The following GDPD4 variants were observed in gnomAD, a reference collection of about 807,000 sequenced individuals.
GDPD4 encodes the protein glycerophosphodiester phosphodiesterase 6.
GDPD4 carries 60 observed loss-of-function variants against 67.8 expected under a neutral mutation model. The ratio of observed to expected loss-of-function variants is 0.88; its 90% CI spans 0.72 to 1.10. GDPD4 has a LOEUF of 1.10. Ranked by LOEUF, GDPD4 falls within the 50% of genes least tolerant of loss-of-function variation. The pLI is 0.00. For synonymous variants in GDPD4, 212 were observed against 210.9 expected (o/e 1.00, Z -0.04); for missense variants, 623 against 613.9 (o/e 1.01, Z -0.16).
chr11:77,245,131 T>C (rs1055468730), intron 12 of GDPD4, 150 bp downstream of exon 12: 1 of 634,676 alleles, frequency 1.6e-6, no homozygotes, highest in Non-Finnish European at 2.8e-6. Context: ...CACATGTAGC[T>C]GTATAAGTAA....
rs1959219154 is a variant in GDPD4 at position 77,271,237 on chromosome 11, A to G, written c.307-14T>C. 1.2e-6 allele frequency: 2 copies of G among 1,611,194 alleles called. No homozygotes were observed. Among genetic ancestry groups the G allele is most frequent in the South Asian group, 2.2e-5 (2 of 90,804 alleles). ...GGGAGCAAAGATCTGTGAGAAAGCCAAAAGTCAGGCTGGATACATCTAGAC... is the reference window on the plus strand; with the variant it reads ...GGGAGCAAAGATCTGTGAGAAAGCCGAAAGTCAGGCTGGATACATCTAGAC... On this transcript the variant is annotated splice_polypyrimidine_tract_variant and intron_variant, in intron 6 of 16. Transcript: ENST00000315938.
chr11:77,289,168 C>T (rs1937673804), intron 1 of GDPD4, among the ~76,000 whole-genome samples: 1 of 152,082 alleles, frequency 6.6e-6, no homozygotes, highest in Admixed American at 6.5e-5. Context: ...TCGAGACCAG[C>T]TTGGCCAACA....
intron 10 of GDPD4, among the ~76,000 whole-genome samples, chr11:77,262,352 C>T (rs566524544): frequency 6.6e-6 from 1 of 152,306 alleles, no homozygotes; most frequent in Admixed American, 6.5e-5. Context: ...AATGATCACA[C>T]TTCAGGACTG....
intron 16 of GDPD4, among the ~76,000 whole-genome samples, chr11:77,221,009 C>T (rs1353482429): frequency 6.6e-6 from 1 of 152,110 alleles, no homozygotes; most frequent in African/African-American, 2.4e-5. Context: ...GGAATTTATC[C>T]ATTTCTTCTA....
At chr11:77,288,548 G>C in intron 1 of GDPD4, among the ~76,000 whole-genome samples, 1 of 152,100 alleles carries the variant, frequency 6.6e-6, no homozygotes, top group South Asian at 2.1e-4. Context: ...CACTGATATT[G>C]ATTACAGCCA....
Position 77,217,090 on chromosome 11 carries a change from C to T in GDPD4, c.*187G>A, listed in dbSNP as rs138023905. On this transcript the variant is annotated 3_prime_UTR_variant, in exon 17 of 17. Transcript: ENST00000315938. Reference sequence around the variant, plus strand: ...TGGGCATCGGTGGTTGAATCTCATGCTTGCCAGGCTTCAAAGGTGTGACAG... The same window carrying T: ...TGGGCATCGGTGGTTGAATCTCATGTTTGCCAGGCTTCAAAGGTGTGACAG... 18 of 707,704 alleles carry T rather than the reference C, an allele frequency of 2.5e-5. No individual in the cohort carries two copies. Among genetic ancestry groups the T allele is most frequent in the Admixed American group, 1.6e-4 (8 of 50,050 alleles). The allele number at this position is 707,704 out of a possible 1,614,324, so 43.8% of individuals were successfully genotyped here.
chr11:77,238,178 T>A (rs1422127854), intron 13 of GDPD4, among the ~76,000 whole-genome samples: 1 of 152,056 alleles, frequency 6.6e-6, no homozygotes, highest in African/African-American at 2.4e-5. Flanking sequence ...GCAAGACTGA[T>A]CAAGAAAAAC....
In GDPD4 at chr11:77,243,828, A is replaced by G. The variant is rs764691124; in HGVS notation, c.1107T>C (p.His369=). The G allele has an allele frequency of 7.4e-6, 12 of 1,613,192 alleles. No individual in the cohort carries two copies. The highest frequency in any genetic ancestry group is 2.2e-5 in the East Asian group (1 of 44,888). Residue 369 remains histidine, a synonymous_variant, in exon 13 of 17, where the codon CAT becomes CAC. Transcript: ENST00000315938. The part of the protein sequence containing the change: ...EQHLIFWLPA[H]DRQYVRSVAP... The stretch of plus-strand genomic sequence containing the variant: ...CCACGGACCTGACGTATTGCCTATC[A>G]TGAGCTGGCAACCAAAAAATCTCTA...
chr11:77,257,027 C>T (rs889665175), intron 11 of GDPD4, among the ~76,000 whole-genome samples: 5 of 152,110 alleles, frequency 3.3e-5, no homozygotes, highest in Non-Finnish European at 5.9e-5. Flanking sequence ...TCAAACGGCC[C>T]TCAGGATTAA....
chr11:77,226,352 G>A (rs1248102145), intron 16 of GDPD4, among the ~76,000 whole-genome samples: 1 of 152,080 alleles, frequency 6.6e-6, no homozygotes, highest in Non-Finnish European at 1.5e-5. Flanking sequence ...AGTAATTAAG[G>A]TTAAATGAAG....
chr11:77,269,060 A>C lies in GDPD4; in HGVS notation c.488T>G (p.Val163Gly). ...AAGAAGAAAGGGTAATCCAACAGGC[A>C]CTTGTAGACCTGAAAAATTTGAAAG... is the stretch of plus-strand genomic sequence containing the variant. ...NVITRLRGLQ[V>G]PVGLPFLLIL... The change falls in exon 9 of 17, where the codon GTG (valine) becomes GGG (glycine). Residue 163 changes from valine (V) to glycine (G), a missense_variant. Transcript: ENST00000315938. The C allele has an allele frequency of 6.2e-7, 1 of 1,613,596 alleles. No individual in the cohort carries two copies. Among genetic ancestry groups the C allele is most frequent in the Non-Finnish European group, 8.5e-7 (1 of 1,179,762 alleles).
At chr11:77,251,695 C>G (rs1425140113) in intron 11 of GDPD4, among the ~76,000 whole-genome samples, 1 of 152,132 alleles carries the variant, frequency 6.6e-6, no homozygotes, top group Admixed American at 6.6e-5. Flanking sequence ...GGGATTGAAT[C>G]TATTTGGGAA....
chr11:77,251,064 G>C (rs1958885767), intron 11 of GDPD4, among the ~76,000 whole-genome samples: 1 of 152,018 alleles, frequency 6.6e-6, no homozygotes, highest in African/African-American at 2.4e-5. Context: ...TTTTTTGTAG[G>C]CAGCATATAG....
intron 16 of GDPD4, among the ~76,000 whole-genome samples, chr11:77,218,129 GA>G (rs1958159981): frequency 6.6e-6 from 1 of 151,636 alleles, no homozygotes; most frequent in Admixed American, 6.6e-5. Flanking sequence ...AGGAGAAAGG[GA>G]ATTTTTATTG....
chr11:77,246,854 C>A (rs777459299), intron 11 of GDPD4, among the ~76,000 whole-genome samples: 3 of 152,116 alleles, frequency 2.0e-5, no homozygotes, highest in Non-Finnish European at 4.4e-5. Flanking sequence ...ATGTTTGCTA[C>A]ATTAAATTTA....
chr11:77,217,402 GT>G, intron 16 of GDPD4, 88 bp from the exon 17 acceptor site: 2 of 1,045,800 alleles, frequency 1.9e-6, no homozygotes, highest in South Asian at 2.5e-5. Flanking sequence ...TCTCTTAAAT[GT>G]TAGCCACTCC....
At chr11:77,274,572 T>C (rs1298826870) in intron 5 of GDPD4, among the ~76,000 whole-genome samples, 1 of 152,230 alleles carries the variant, frequency 6.6e-6, no homozygotes, top group Non-Finnish European at 1.5e-5. Context: ...CGTGATTGTA[T>C]GCTTCCTGAG....
At chr11:77,267,356 G>T (rs921397239) in intron 10 of GDPD4, among the ~76,000 whole-genome samples, 1 of 152,196 alleles carries the variant, frequency 6.6e-6, no homozygotes, top group Non-Finnish European at 1.5e-5. Context: ...CATTAAGTGA[G>T]ATATGACTGT....
At chr11:77,222,553 T>C (rs1458121259) in intron 16 of GDPD4, among the ~76,000 whole-genome samples, 1 of 152,250 alleles carries the variant, frequency 6.6e-6, no homozygotes, top group Non-Finnish European at 1.5e-5. Context: ...ATGTTGAATA[T>C]TGGCCCCCAC....
Sources: allele counts gnomAD v4.1 joint callset (sites outside exome capture counted in the v4.1 genomes callset), GRCh38; gene constraint gnomAD v4.1.1; transcripts MANE v1.5; gene names NCBI Gene and HGNC (gene_info 2026-07-23, HGNC 2026-07-21).